The following XIRP2 variants were observed in gnomAD, a reference collection of about 807,000 sequenced individuals.
XIRP2 encodes the protein xin actin-binding repeat-containing protein 2.
In XIRP2, 236 loss-of-function variants were observed where a neutral mutation model predicts 277.0. That is an observed-to-expected ratio of 0.85 (90% confidence interval 0.77 to 0.95). The LOEUF is 0.95. XIRP2 is among the 40% of genes least tolerant of loss of function. The pLI, the probability that XIRP2 is intolerant of heterozygous loss-of-function variation, is 0.00. For synonymous variants in XIRP2, 1,490 were observed against 1,416.5 expected (o/e 1.05, Z -1.17); for missense variants, 4,640 against 4,157.5 (o/e 1.12, Z -3.19).
intron 2 of XIRP2, among the ~76,000 whole-genome samples, chr2:167,052,948 C>T (rs1411355439): frequency 6.6e-6 from 1 of 152,170 alleles, no homozygotes; most frequent in Admixed American, 6.5e-5. Flanking sequence ...AATAAAACCA[C>T]ACTTTCTGTT....
chr2:167,087,581 A>T (rs2105270816), intron 2 of XIRP2, among the ~76,000 whole-genome samples: 1 of 152,288 alleles, frequency 6.6e-6, no homozygotes, highest in East Asian at 1.9e-4. Context: ...CTGCTATGCT[A>T]GCAATCAGCG....
chr2:166,982,097 A>G (rs914040655), intron 2 of XIRP2, among the ~76,000 whole-genome samples: 4 of 152,034 alleles, frequency 2.6e-5, no homozygotes, highest in Admixed American at 6.5e-5. Flanking sequence ...TTTTTCTTGA[A>G]GGATATTTTC....
intron 3 of XIRP2, among the ~76,000 whole-genome samples, chr2:167,207,383 C>G (rs1417535498): frequency 6.6e-6 from 1 of 152,052 alleles, no homozygotes; most frequent in Non-Finnish European, 1.5e-5. Context: ...ATTGACTATT[C>G]CTCACTGTTT....
At chr2:167,009,896 A>C (rs181194367) in intron 2 of XIRP2, among the ~76,000 whole-genome samples, 1 of 151,812 alleles carries the variant, frequency 6.6e-6, no homozygotes, top group Non-Finnish European at 1.5e-5. Flanking sequence ...TCCTTCACCC[A>C]CTTTTTGATG....
At chr2:167,201,138 G>C (rs139912446) in intron 3 of XIRP2, among the ~76,000 whole-genome samples, 22 of 150,176 alleles carry the variant, frequency 1.5e-4, no homozygotes, top group African/African-American at 5.2e-4. Flanking sequence ...AAGAGAGAGA[G>C]AGAGAGGGAG....
At position 167,247,296 on chromosome 2, in the gene XIRP2, T is replaced by C. The variant is rs1167344561; in HGVS notation, c.5904T>C (p.Ala1968=). Reference sequence around the variant, plus strand: ...AGAAAACAGATATTCATCAGGTTGCTGTCCAGAGGAACAAAAATAGTCTTC... The same window carrying C: ...AGAAAACAGATATTCATCAGGTTGCCGTCCAGAGGAACAAAAATAGTCTTC... ...GEQKTDIHQV[A]VQRNKNSLLQ... Residue 1968 remains alanine (A), a synonymous_variant, in exon 9 of 11, where the codon GCT becomes GCC. Coordinates refer to ENST00000409195, the MANE Select transcript of XIRP2 (RefSeq NM_152381.6). 9 of 1,613,754 alleles carry C rather than the reference T, an allele frequency of 5.6e-6. No individual in the cohort carries two copies. Among genetic ancestry groups the C allele is most frequent in the Non-Finnish European group, 5.1e-6 (6 of 1,179,852 alleles).
intron 3 of XIRP2, among the ~76,000 whole-genome samples, chr2:167,205,665 T>G (rs909016296): frequency 6.6e-6 from 1 of 152,272 alleles, no homozygotes; most frequent in Non-Finnish European, 1.5e-5. Flanking sequence ...ATGATGACTT[T>G]TCTTCATTTA....
At chr2:167,048,122 A>G (rs1248123003) in intron 2 of XIRP2, among the ~76,000 whole-genome samples, 1 of 152,028 alleles carries the variant, frequency 6.6e-6, no homozygotes, top group Non-Finnish European at 1.5e-5. Context: ...TTCAGTCTGT[A>G]ACAGTGGGCA....
Position 166,903,815 on chromosome 2 carries a change from C to T in XIRP2, c.333C>T (p.Ser111=). 6.2e-7 allele frequency: 1 copy of T among 1,613,718 alleles called. No homozygotes were observed. Among genetic ancestry groups the T allele is most frequent in the East Asian group, 2.2e-5 (1 of 44,816 alleles). The change falls in exon 2 of 11, where the codon TCC becomes TCT. Residue 111 remains serine, a synonymous_variant. Transcript: ENST00000409195. ...LSSRRRIERF[S]IALDELRSVF... is the part of the protein sequence containing the mutation. ...GTCGGCGCAGGATTGAACGCTTTTC[C>T]ATTGCCCTTGATGAGCTGAGGAGTG...
chr2:167,239,404 T>C (rs1228921164), intron 5 of XIRP2, among the ~76,000 whole-genome samples: 1 of 152,202 alleles, frequency 6.6e-6, no homozygotes, highest in Non-Finnish European at 1.5e-5. Flanking sequence ...TTTATGACAA[T>C]GAGATAATAT....
At chr2:167,010,095 T>A (rs928289870) in intron 2 of XIRP2, among the ~76,000 whole-genome samples, 4 of 152,242 alleles carry the variant, frequency 2.6e-5, no homozygotes, top group South Asian at 2.1e-4. Flanking sequence ...CAATTTTGTC[T>A]TTTGTTGCCA....
rs188921374 is a variant in XIRP2 at position 166,937,238 on chromosome 2, G to A, written c.408+33348G>A. On this transcript the variant is annotated intron_variant, in intron 2 of 10. Coordinates refer to ENST00000409195, the MANE Select transcript of XIRP2 (RefSeq NM_152381.6). ...ATTGGCTGTGGGTTTGTCATACATA[G>A]CTCTTATTATTTTGAGATACGTCCA... Among the ~76,000 whole-genome samples, 302 of 152,190 alleles carry A rather than the reference G, an allele frequency of 2.0e-3. 1 individual carries two copies. The highest frequency in any genetic ancestry group is 6.9e-3 in the African/African-American group (286 of 41,508).
chr2:167,238,400 A>T (rs16853296), intron 5 of XIRP2, among the ~76,000 whole-genome samples: 29,004 of 151,840 alleles, frequency 0.19, 3,481 homozygotes, highest in African/African-American at 0.34. Flanking sequence ...AGGCCTCAAC[A>T]TTTTTTTCTT....
chr2:166,945,420 C>G (rs541272151), intron 2 of XIRP2, among the ~76,000 whole-genome samples: 1 of 151,854 alleles, frequency 6.6e-6, no homozygotes, highest in East Asian at 2.0e-4. Flanking sequence ...ATTTTCATAG[C>G]CCATAAAAAG....
At chr2:166,979,916 C>T (rs1301971683) in intron 2 of XIRP2, among the ~76,000 whole-genome samples, 2 of 152,120 alleles carry the variant, frequency 1.3e-5, no homozygotes, top group East Asian at 3.9e-4. Flanking sequence ...TCTTTCTCTT[C>T]TATCTCTGGA....
At chr2:167,122,201 A>G (rs1691075126) in intron 2 of XIRP2, among the ~76,000 whole-genome samples, 1 of 152,188 alleles carries the variant, frequency 6.6e-6, no homozygotes, top group Non-Finnish European at 1.5e-5. Context: ...AAATAATTGT[A>G]CACATGCACA....
chr2:167,035,184 C>A (rs1323247758), intron 2 of XIRP2, among the ~76,000 whole-genome samples: 1 of 151,998 alleles, frequency 6.6e-6, no homozygotes, highest in Non-Finnish European at 1.5e-5. Flanking sequence ...TAAATTGGTA[C>A]CAGGAGTGGG....
At chr2:166,978,104 G>A (rs1681456605) in intron 2 of XIRP2, among the ~76,000 whole-genome samples, 1 of 152,060 alleles carries the variant, frequency 6.6e-6, no homozygotes, top group South Asian at 2.1e-4. Context: ...CAGATTTTCT[G>A]TTTTTCCAAT....
chr2:166,925,395 A>G (rs896862791), intron 2 of XIRP2, among the ~76,000 whole-genome samples: 4 of 151,800 alleles, frequency 2.6e-5, no homozygotes, highest in Non-Finnish European at 4.4e-5. Flanking sequence ...TGTGATAAAA[A>G]ATGACACCAG....
Sources: allele counts gnomAD v4.1 joint callset (sites outside exome capture counted in the v4.1 genomes callset), GRCh38; gene constraint gnomAD v4.1.1; transcripts MANE v1.5; gene names NCBI Gene and HGNC (gene_info 2026-07-23, HGNC 2026-07-21).